The following USP34 variants were observed in gnomAD, a reference collection of about 807,000 sequenced individuals.
The protein encoded by USP34 is ubiquitin specific peptidase 34.
A neutral mutation model predicts 460.3 loss-of-function variants in USP34; 70 were observed. The ratio of observed to expected loss-of-function variants is 0.15; its 90% CI spans 0.13 to 0.19. The LOEUF is 0.19. USP34 is among the 10% of genes least tolerant of loss of function. The pLI is 1.00. For synonymous variants in USP34, 1,647 were observed against 1,405.3 expected, an observed-to-expected ratio of 1.17 and a Z score of -3.85; for missense variants, 3,985 against 4,236.2, an observed-to-expected ratio of 0.94 and a Z score of 1.65.
At chr2:61,323,386 C>T (rs1158422956) in intron 21 of USP34, among the ~76,000 whole-genome samples, 2 of 151,832 alleles carry the variant, frequency 1.3e-5, no homozygotes, top group Non-Finnish European at 2.9e-5. Flanking sequence ...TGGTGGTGGG[C>T]GCCTATAGTC....
intron 51 of USP34, 27 bp downstream of exon 51, chr2:61,245,183 C>A (rs749165719): frequency 1.3e-6 from 2 of 1,577,344 alleles, no homozygotes; most frequent in Non-Finnish European, 8.7e-7. Flanking sequence ...GGACACAAAC[C>A]ATTTATAATT....
chr2:61,254,182 T>C (rs751250747), intron 48 of USP34, among the ~76,000 whole-genome samples: 1 of 152,250 alleles, frequency 6.6e-6, no homozygotes, highest in Non-Finnish European at 1.5e-5. Flanking sequence ...TTGTCTTTCA[T>C]CTCTGTGAAT....
intron 52 of USP34, 40 bp from the exon 53 acceptor site, chr2:61,241,695 A>C: frequency 6.5e-7 from 1 of 1,539,128 alleles, no homozygotes. Flanking sequence ...CATTTTGACA[A>C]AGTATTACTC....
chr2:61,277,060 G>A (rs1468132841), intron 41 of USP34, among the ~76,000 whole-genome samples: 1 of 152,046 alleles, frequency 6.6e-6, no homozygotes, highest in African/African-American at 2.4e-5. Context: ...TCAGAGTCAC[G>A]AAGTGTTTCC....
At chr2:61,326,109 G>C (rs1333116950) in intron 20 of USP34, among the ~76,000 whole-genome samples, 1 of 152,102 alleles carries the variant, frequency 6.6e-6, no homozygotes, top group East Asian at 1.9e-4. Context: ...AGAAAGAAGA[G>C]ATAGAAAAGG....
chr2:61,389,288 T>C (rs1204188444), intron 5 of USP34, among the ~76,000 whole-genome samples: 1 of 152,208 alleles, frequency 6.6e-6, no homozygotes, highest in African/African-American at 2.4e-5. Flanking sequence ...AATATTTGCT[T>C]TGATAAATCA....
intron 15 of USP34, among the ~76,000 whole-genome samples, chr2:61,346,891 A>T (rs896392236): frequency 6.7e-6 from 1 of 149,548 alleles, no homozygotes; most frequent in African/African-American, 2.5e-5. Context: ...TGATCCCAGC[A>T]CTTTGGGAGG....
At chr2:61,215,556 T>C (rs1365490926) in intron 67 of USP34, among the ~76,000 whole-genome samples, 1 of 152,182 alleles carries the variant, frequency 6.6e-6, no homozygotes. Flanking sequence ...CAACAAAGCA[T>C]TGACCTAGGT....
chr2:61,455,951 G>C (rs746867140), intron 1 of USP34, among the ~76,000 whole-genome samples: 6 of 152,050 alleles, frequency 3.9e-5, no homozygotes, highest in Admixed American at 6.6e-5. Flanking sequence ...TTTGAACTCA[G>C]GTCTACCAGG....
At chr2:61,291,431 C>G (rs1689848693) in intron 33 of USP34, among the ~76,000 whole-genome samples, 1 of 152,178 alleles carries the variant, frequency 6.6e-6, no homozygotes, top group Non-Finnish European at 1.5e-5. Flanking sequence ...AAACTGCACT[C>G]TATACCCAAG....
chr2:61,453,182 G>T (rs543018504), intron 1 of USP34, among the ~76,000 whole-genome samples: 26 of 152,060 alleles, frequency 1.7e-4, no homozygotes, highest in Admixed American at 7.2e-4. Context: ...AGGCCGAAGC[G>T]GGTGGATTGC....
chr2:61,463,631 C>G (rs1399648386), intron 1 of USP34, among the ~76,000 whole-genome samples: 1 of 152,110 alleles, frequency 6.6e-6, no homozygotes, highest in Non-Finnish European at 1.5e-5. Context: ...GTCAGGAATT[C>G]AAGACCATCC....
intron 39 of USP34, among the ~76,000 whole-genome samples, chr2:61,279,162 A>T (rs1689461513): frequency 6.6e-6 from 1 of 152,086 alleles, no homozygotes; most frequent in East Asian, 1.9e-4. Context: ...TAAGTATATT[A>T]AAACTTGCTC....
Position 61,211,931 on chromosome 2 carries a change from TA to T in USP34, c.8683-3del. 7 of 1,598,682 alleles carry T rather than the reference TA, an allele frequency of 4.4e-6. No individual in the cohort carries two copies. The highest frequency in any genetic ancestry group is 3.5e-5 in the Admixed American group (2 of 56,414). ...CAGGTTAAACAGTTCTTCTACTGCCTAAAAAAGCCAAATAAGCCATATGATC... is the reference window on the plus strand; with the variant it reads ...CAGGTTAAACAGTTCTTCTACTGCCTAAAAAGCCAAATAAGCCATATGATC... On this transcript the variant is annotated splice_polypyrimidine_tract_variant and splice_region_variant and intron_variant, in intron 68 of 79. Transcript: ENST00000398571.
At position 61,283,286 on chromosome 2, in the gene USP34, A is replaced by G. The variant is rs753823721; in HGVS notation, c.4874-17T>C. On this transcript the variant is annotated splice_polypyrimidine_tract_variant and intron_variant, in intron 36 of 79. Coordinates refer to ENST00000398571, the MANE Select transcript of USP34 (RefSeq NM_014709.4). ...AATGTGAAACTAAAGAAAAATTAGA[A>G]AACAGTTCACTATAAAAGGTTTGTG... 2.5e-6 allele frequency: 4 copies of G among 1,609,412 alleles called. No homozygotes were observed. Among genetic ancestry groups the G allele is most frequent in the Middle Eastern group, 1.7e-4 (1 of 6,042 alleles).
intron 8 of USP34, among the ~76,000 whole-genome samples, chr2:61,377,278 C>G (rs1458282653): frequency 2.6e-5 from 4 of 152,082 alleles, no homozygotes; most frequent in Non-Finnish European, 4.4e-5. Flanking sequence ...TCAAGTTACA[C>G]TAAAGTATGA....
intron 1 of USP34, among the ~76,000 whole-genome samples, chr2:61,460,751 G>A (rs995452938): frequency 1.3e-5 from 2 of 152,070 alleles, no homozygotes; most frequent in East Asian, 1.9e-4. Flanking sequence ...TTGGGAGGCC[G>A]AGGCAAGTGG....
chr2:61,408,849 C>T (rs989085738), intron 2 of USP34, among the ~76,000 whole-genome samples: 8 of 151,854 alleles, frequency 5.3e-5, no homozygotes, highest in Non-Finnish European at 8.8e-5. Context: ...GCCGAGATCA[C>T]GCCCCCTGCA....
Position 61,227,444 on chromosome 2 carries a change from G to C in USP34, c.7444-226C>G, listed in dbSNP as rs191764874. Among the ~76,000 whole-genome samples, 10 of 152,256 alleles carry C rather than the reference G, an allele frequency of 6.6e-5. No individual in the cohort carries two copies. In the East Asian group the frequency reaches 1.7e-3, roughly 26 times the overall value. On this transcript the variant is annotated intron_variant, in intron 61 of 79. Transcript: ENST00000398571. ...GAATAACAATTCTCTGCCGGGCATG[G>C]TGGCTCACGTAATCCCAGCATTTTG...
Sources: allele counts gnomAD v4.1 joint callset (sites outside exome capture counted in the v4.1 genomes callset), GRCh38; gene constraint gnomAD v4.1.1; transcripts MANE v1.5; gene names NCBI Gene and HGNC (gene_info 2026-07-23, HGNC 2026-07-21).